NPC2: variants seen among roughly 807,000 people sequenced by gnomAD.
NPC2 encodes Niemann-Pick disease type C2 protein.
A neutral mutation model predicts 17.0 loss-of-function variants in NPC2; 14 were observed. The observed-to-expected ratio is 0.82, with a 90% CI of 0.54 to 1.29. NPC2 has a LOEUF of 1.29. Among genes scored for constraint, NPC2 ranks in the 50% most tolerant of loss-of-function variants. The pLI is 0.00. For missense variants in NPC2, 167 were observed against 183.4 expected (o/e 0.91, Z 0.52); for synonymous variants, 75 against 69.3 (o/e 1.08, Z -0.41).
chr14:74,482,542 T>C (rs1031995598), intron 3 of NPC2, among the ~76,000 whole-genome samples: 2 of 152,218 alleles, frequency 1.3e-5, no homozygotes, highest in African/African-American at 2.4e-5. Context: ...GCTAACAAAC[T>C]ACTGCTCTCT....
chr14:74,493,373 C>T, upstream of NPC2: 1 of 1,551,460 alleles, frequency 6.4e-7, no homozygotes, highest in Non-Finnish European at 8.7e-7. This position sits in a 1 kb window ranked among gnomAD's most constrained non-coding sequence, Gnocchi z 4.1. Flanking sequence ...CCCAGTCAGG[C>T]GACCTGTCAC....
Position 74,486,560 on chromosome 14 carries a change from G to A in NPC2, c.83-124C>T. 4 of 748,690 alleles carry A rather than the reference G, an allele frequency of 5.3e-6. No homozygotes were observed. The South Asian group carries it at 6.0e-5, about 11-fold the overall frequency. 46.4% of individuals were successfully genotyped at this position (748,690 alleles called of 1,614,324 possible). A position where few individuals can be genotyped will look rare whatever the true frequency, so the allele number is the denominator to read the frequency against. On this transcript the variant is annotated intron_variant, in intron 1 of 4. Coordinates refer to ENST00000555619, the MANE Select transcript of NPC2 (RefSeq NM_006432.5). The stretch of plus-strand genomic sequence containing the variant: ...AGGGTCAACTCATTCTCCTCGGACT[G>A]TTTCCCAGGATGGAATCTTTAAGAA...
chr14:74,488,698 A>C (rs1212908680), intron 1 of NPC2, among the ~76,000 whole-genome samples: 2 of 152,122 alleles, frequency 1.3e-5, no homozygotes, highest in Non-Finnish European at 2.9e-5. Context: ...TGGGTGACAG[A>C]GCAAGACTCT....
intron 2 of NPC2, 87 bp downstream of exon 2, chr14:74,486,242 C>G (rs535348581): frequency 8.4e-7 from 1 of 1,183,858 alleles, no homozygotes; most frequent in South Asian, 1.3e-5. Flanking sequence ...GCCAATTCCC[C>G]TCCCCTCCAT....
Position 74,484,602 on chromosome 14 carries a change from G to A in NPC2, c.191-15C>T. ...AGACTGAATATCTAAGAGAAAAAAAGAGAATCAGATGGCAAAGAAAATAAC... is the reference window on the plus strand; with the variant it reads ...AGACTGAATATCTAAGAGAAAAAAAAAGAATCAGATGGCAAAGAAAATAAC... On this transcript the variant is annotated splice_polypyrimidine_tract_variant and intron_variant, in intron 2 of 4. Transcript: ENST00000555619. 1.2e-6 allele frequency: 2 copies of A among 1,613,870 alleles called. No individual in the cohort carries two copies. The highest frequency in any genetic ancestry group is 1.7e-6 in the Non-Finnish European group (2 of 1,179,910).
chr14:74,492,313 T>G (rs2086784625), intron 1 of NPC2, among the ~76,000 whole-genome samples: 1 of 152,196 alleles, frequency 6.6e-6, no homozygotes, highest in East Asian at 1.9e-4. Flanking sequence ...GTCTAGGCAA[T>G]GCGCAAGGTG....
chr14:74,493,329 A>G (rs2086799009), upstream of NPC2: 1 of 1,589,400 alleles, frequency 6.3e-7, no homozygotes, highest in East Asian at 2.3e-5. This position sits in a 1 kb window ranked among gnomAD's most constrained non-coding sequence, Gnocchi z 4.1. Flanking sequence ...CCGCGGTCAC[A>G]AGACAAACCT....
intron 2 of NPC2, 118 bp downstream of exon 2, chr14:74,486,211 G>T: frequency 2.0e-6 from 2 of 982,980 alleles, no homozygotes; most frequent in Non-Finnish European, 3.2e-6. Flanking sequence ...AGGTGCAAAA[G>T]AAATCATAAA....
chr14:74,483,641 A>C (rs1053608345), intron 3 of NPC2, among the ~76,000 whole-genome samples: 5 of 152,238 alleles, frequency 3.3e-5, no homozygotes, highest in African/African-American at 1.2e-4. Context: ...TTATGTGAAG[A>C]ATTTAGATCT....
chr14:74,483,964 T>C (rs117743573), intron 3 of NPC2, among the ~76,000 whole-genome samples: 1 of 152,328 alleles, frequency 6.6e-6, no homozygotes, highest in Admixed American at 6.5e-5. Flanking sequence ...TTATGGAATA[T>C]CCTCTGTCAT....
intron 1 of NPC2, among the ~76,000 whole-genome samples, chr14:74,487,285 T>TTTTTTTTG (rs2086724128): frequency 6.7e-6 from 1 of 149,838 alleles, no homozygotes; most frequent in Non-Finnish European, 1.5e-5. Flanking sequence ...TTTTTTTTTT[T>TTTTTTTTG]TGAGACAGGG....
At chr14:74,483,241 G>C (rs2086674185) in intron 3 of NPC2, 3 of 966,354 alleles carry the variant, frequency 3.1e-6, no homozygotes, top group South Asian at 2.9e-5. Context: ...TACAGGACCT[G>C]AGGGAACAGA....
At chr14:74,489,765 C>G (rs1429046477) in intron 1 of NPC2, among the ~76,000 whole-genome samples, 1 of 152,222 alleles carries the variant, frequency 6.6e-6, no homozygotes, top group African/African-American at 2.4e-5. Flanking sequence ...TGCCATTCAG[C>G]CATCATTGCT....
At chr14:74,487,266 TTTTTTTTG>T (rs2086723445) in intron 1 of NPC2, among the ~76,000 whole-genome samples, 1 of 144,758 alleles carries the variant, frequency 6.9e-6, no homozygotes, top group Admixed American at 6.9e-5. Context: ...TTTTTGTGGT[TTTTTTTTG>T]TTTTTTTTTT....
intron 2 of NPC2, among the ~76,000 whole-genome samples, chr14:74,485,873 A>T (rs184690167): frequency 6.6e-6 from 1 of 152,302 alleles, no homozygotes; most frequent in East Asian, 1.9e-4. Flanking sequence ...AATCTTAAGG[A>T]GGCTGTTAAG....
chr14:74,488,867 A>T (rs144733772), intron 1 of NPC2, among the ~76,000 whole-genome samples: 1 of 152,280 alleles, frequency 6.6e-6, no homozygotes, highest in East Asian at 1.9e-4. Flanking sequence ...ACTAGGAATG[A>T]CCCTTAAGAG....
chr14:74,489,177 G>T (rs1055646595), intron 1 of NPC2, among the ~76,000 whole-genome samples: 3 of 152,204 alleles, frequency 2.0e-5, no homozygotes, highest in African/African-American at 7.2e-5. Context: ...CAAGATGGCA[G>T]AAGTGCCAGC....
chr14:74,487,452 A>G (rs1267901813), intron 1 of NPC2, among the ~76,000 whole-genome samples: 3 of 151,930 alleles, frequency 2.0e-5, no homozygotes, highest in Admixed American at 6.6e-5. Context: ...TGTTTTGTAG[A>G]GACAGGGTTT....
intron 1 of NPC2, among the ~76,000 whole-genome samples, chr14:74,489,613 C>T (rs187767172): frequency 1.2e-4 from 18 of 152,248 alleles, no homozygotes; most frequent in Admixed American, 9.8e-4. Flanking sequence ...TACTTGTATA[C>T]AATAAATGCT....
Sources: gnomAD v4.1 joint callset for allele counts (sites outside exome capture counted in the v4.1 genomes callset) on GRCh38, gnomAD v4.1.1 for gene constraint, Gnocchi (gnomAD v3.1) non-coding constraint, MANE v1.5 for transcripts, NCBI Gene and HGNC (gene_info 2026-07-23, HGNC 2026-07-21) for gene names.